Variants in NCK1 observed in about 807,000 individuals in gnomAD.
NCK1 encodes the protein NCK adaptor protein 1, also known as SH2/SH3 adapter protein NCK1.
Under a neutral mutation model 36.6 loss-of-function variants are expected in NCK1, and 19 were observed. The observed-to-expected ratio is 0.52, with a 90% CI of 0.36 to 0.76. NCK1 has a LOEUF of 0.76. Among genes scored for constraint, NCK1 ranks in the 30% least tolerant of loss-of-function variants. The pLI is 0.00. For synonymous variants in NCK1, 165 were observed against 156.0 expected (o/e 1.06, Z -0.43); for missense variants, 358 against 445.6 (o/e 0.80, Z 1.77).
At chr3:136,939,891 C>T (rs1363341699) in intron 2 of NCK1, among the ~76,000 whole-genome samples, 3 of 127,300 alleles carry the variant, frequency 2.4e-5, no homozygotes, top group African/African-American at 9.0e-5. Context: ...CTCTTTGTTA[C>T]CTAGGCTGGA....
At chr3:136,888,853 TG>T (rs1169534255) in intron 1 of NCK1, among the ~76,000 whole-genome samples, 7 of 151,974 alleles carry the variant, frequency 4.6e-5, no homozygotes, top group African/African-American at 1.2e-4. Context: ...CTTAGTTCAA[TG>T]TTTTTTTTGT....
At chr3:136,890,268 CAG>C in intron 1 of NCK1, among the ~76,000 whole-genome samples, 1 of 152,138 alleles carries the variant, frequency 6.6e-6, no homozygotes, top group Non-Finnish European at 1.5e-5. Context: ...GTCCGGCCGG[CAG>C]GGCCGGCCGG....
chr3:136,875,547 A>T (rs1488690148), intron 1 of NCK1, among the ~76,000 whole-genome samples: 1 of 152,248 alleles, frequency 6.6e-6, no homozygotes, highest in East Asian at 1.9e-4. Flanking sequence ...AGATCAAAAG[A>T]GACAAAGAAG....
chr3:136,891,665 G>A (rs1939248452), intron 1 of NCK1, among the ~76,000 whole-genome samples: 1 of 152,148 alleles, frequency 6.6e-6, no homozygotes, highest in Non-Finnish European at 1.5e-5. Context: ...CAGTGCACAA[G>A]GGTTCTAATT....
chr3:136,872,914 A>G (rs1410974548), intron 1 of NCK1, among the ~76,000 whole-genome samples: 1 of 152,206 alleles, frequency 6.6e-6, no homozygotes. Flanking sequence ...ATTTCAGAAG[A>G]TGTATGGAAA....
intron 1 of NCK1, among the ~76,000 whole-genome samples, chr3:136,915,453 C>T (rs1039962136): frequency 7.2e-5 from 11 of 152,130 alleles, no homozygotes; most frequent in African/African-American, 2.2e-4. Flanking sequence ...CTTTTATACC[C>T]AGGATTTTTA....
intron 2 of NCK1, among the ~76,000 whole-genome samples, chr3:136,942,232 G>A (rs1940697606): frequency 6.6e-6 from 1 of 152,152 alleles, no homozygotes; most frequent in South Asian, 2.1e-4. Flanking sequence ...CATTTTTGAA[G>A]GACAGTTTTG....
In NCK1 at chr3:136,946,151, G is replaced by C; in HGVS notation, c.795G>C (p.Gln265His). 6.2e-7 allele frequency: 1 copy of C among 1,613,722 alleles called. No homozygotes were observed. Among genetic ancestry groups the C allele is most frequent in the Non-Finnish European group, 8.5e-7 (1 of 1,179,922 alleles). The change falls in exon 3 of 4, where the codon CAG (glutamine) becomes CAC (histidine). Residue 265 changes from glutamine (Q) to histidine (H), a missense_variant. Transcript: ENST00000481752. ...CAGGTTTGGAACCATCACCTCCACA[G>C]TGTGATTACATTAGGCCTTCACTCA... ...LTSGLEPSPPQCDYIRPSLTG... is the reference protein window; with the variant it reads ...LTSGLEPSPPHCDYIRPSLTG...
chr3:136,921,000 T>C (rs1429828107), intron 1 of NCK1, among the ~76,000 whole-genome samples: 1 of 152,224 alleles, frequency 6.6e-6, no homozygotes, highest in Admixed American at 6.5e-5. Flanking sequence ...TAGTTCATAA[T>C]GTGACTATAT....
At chr3:136,890,960 C>T (rs150900729) in intron 1 of NCK1, among the ~76,000 whole-genome samples, 182 of 152,332 alleles carry the variant, frequency 1.2e-3, no homozygotes, top group African/African-American at 3.8e-3. Flanking sequence ...CTCCTGGAAC[C>T]ATGTGTAAGT....
rs1448907085 is a variant in NCK1 at position 136,872,002 on chromosome 3, C to T, written c.-19+9649C>T. Among the ~76,000 whole-genome samples the T allele has an allele frequency of 2.6e-5, 4 of 152,264 alleles. No individual in the cohort carries two copies. The South Asian group carries it at 8.3e-4, about 32-fold the overall frequency. On this transcript the variant is annotated intron_variant, in intron 1 of 3. Transcript: ENST00000481752. ...TGCCCAGTCTCAGGTATGTCTTTAT[C>T]AGCAGCATGAAAACAGATTAATACA...
chr3:136,887,935 CTTTCTTTCTTTTTTTTTT>C (rs1399216763), intron 1 of NCK1, among the ~76,000 whole-genome samples: 1 of 150,710 alleles, frequency 6.6e-6, no homozygotes, highest in Non-Finnish European at 1.5e-5. Flanking sequence ...TTCTTTCTTT[CTTTCTTTCTTTTTTTTTT>C]TTTCTTTTGA....
chr3:136,916,900 A>G (rs1939980238), intron 1 of NCK1, among the ~76,000 whole-genome samples: 1 of 152,220 alleles, frequency 6.6e-6, no homozygotes, highest in Admixed American at 6.5e-5. Flanking sequence ...CACTAACGGC[A>G]GAGCAGTGGC....
chr3:136,890,018 G>A (rs1208520041), intron 1 of NCK1, among the ~76,000 whole-genome samples: 4 of 152,188 alleles, frequency 2.6e-5, no homozygotes, highest in Non-Finnish European at 5.9e-5. Flanking sequence ...GAGCCCTTGG[G>A]TGGTCAATGG....
chr3:136,876,465 GA>G (rs1371313101), intron 1 of NCK1, among the ~76,000 whole-genome samples: 1 of 151,826 alleles, frequency 6.6e-6, no homozygotes, highest in Non-Finnish European at 1.5e-5. Flanking sequence ...TGATAAAGGG[GA>G]TATCACCACC....
intron 2 of NCK1, among the ~76,000 whole-genome samples, chr3:136,932,237 A>G (rs761369991): frequency 1.3e-5 from 2 of 152,108 alleles, no homozygotes; most frequent in African/African-American, 2.4e-5. Flanking sequence ...TAGTTAATGC[A>G]TTTGCAGACT....
At chr3:136,937,246 C>T (rs778997826) in intron 2 of NCK1, among the ~76,000 whole-genome samples, 2 of 152,172 alleles carry the variant, frequency 1.3e-5, no homozygotes, top group Non-Finnish European at 2.9e-5. Context: ...GTGATCTTGG[C>T]ACCATTGATG....
rs191038273 is a variant in NCK1, at chr3:136,869,506, C to T, written c.-19+7153C>T. 4.5e-4 allele frequency among the ~76,000 whole-genome samples: 69 copies of T among 152,238 alleles called. 1 individual carries two copies. The highest frequency in any genetic ancestry group is 8.5e-4 in the Admixed American group (13 of 15,294). The stretch of plus-strand genomic sequence containing the variant: ...GTTGCGGGGTTGTGAGATCCCGCCA[C>T]TGCACTTTAGCCTGGGTGACAGAGC... On this transcript the variant is annotated intron_variant, in intron 1 of 3. Transcript: ENST00000481752.
intron 1 of NCK1, among the ~76,000 whole-genome samples, chr3:136,901,210 G>C (rs371731741): frequency 6.7e-6 from 1 of 149,620 alleles, no homozygotes; most frequent in African/African-American, 2.4e-5. Context: ...AATCATATTT[G>C]TTGATTTGTG....
Sources: gnomAD v4.1 joint callset for allele counts (sites outside exome capture counted in the v4.1 genomes callset) on GRCh38, gnomAD v4.1.1 for gene constraint, MANE v1.5 for transcripts, NCBI Gene and HGNC (gene_info 2026-07-23, HGNC 2026-07-21) for gene names.